Variants in CDH8 observed in about 807,000 individuals in gnomAD.
The protein encoded by CDH8 is cadherin-8.
CDH8 carries 17 observed loss-of-function variants against 68.1 expected under a neutral mutation model. The ratio of observed to expected loss-of-function variants is 0.25; its 90% confidence interval spans 0.17 to 0.37. CDH8 has a LOEUF of 0.37. CDH8 is among the 10% of genes least tolerant of loss of function. The pLI is 1.00. For synonymous variants in CDH8, 372 were observed against 365.1 expected (o/e 1.02, Z -0.21); for missense variants, 763 against 999.3 (o/e 0.76, Z 3.19).
intron 3 of CDH8, among the ~76,000 whole-genome samples, chr16:61,882,227 T>C (rs1963591879): frequency 6.6e-6 from 1 of 152,184 alleles, no homozygotes; most frequent in African/African-American, 2.4e-5. Flanking sequence ...TGTGTTTTAC[T>C]CGATGGATAT....
intron 8 of CDH8, among the ~76,000 whole-genome samples, chr16:61,740,448 A>C (rs895232504): frequency 6.6e-6 from 1 of 151,994 alleles, no homozygotes; most frequent in Non-Finnish European, 1.5e-5. Context: ...AAATGTTAAG[A>C]ATTTATTATA....
At chr16:61,911,046 C>T (rs1026476780) in intron 2 of CDH8, among the ~76,000 whole-genome samples, 5 of 151,844 alleles carry the variant, frequency 3.3e-5, no homozygotes, top group African/African-American at 1.2e-4. Context: ...AGAGGGTGGT[C>T]GATGTGCACT....
chr16:61,768,421 T>C (rs939835184), intron 8 of CDH8, among the ~76,000 whole-genome samples: 1 of 135,854 alleles, frequency 7.4e-6, no homozygotes, highest in Non-Finnish European at 1.6e-5. Context: ...TCTCTCTCTC[T>C]CTCTCTCCCT....
At chr16:61,950,632 T>C (rs974815773) in intron 2 of CDH8, among the ~76,000 whole-genome samples, 2 of 152,096 alleles carry the variant, frequency 1.3e-5, no homozygotes, top group Admixed American at 6.6e-5. Context: ...TTTCTTATTT[T>C]CCCCCCAAAA....
At chr16:61,959,449 T>C (rs938176223) in intron 2 of CDH8, among the ~76,000 whole-genome samples, 2 of 151,842 alleles carry the variant, frequency 1.3e-5, no homozygotes, top group Non-Finnish European at 2.9e-5. Context: ...CATCAAAGCA[T>C]AGGGCCCCTT....
intron 3 of CDH8, among the ~76,000 whole-genome samples, chr16:61,878,757 T>C (rs1963510684): frequency 6.6e-6 from 1 of 152,224 alleles, no homozygotes; most frequent in Non-Finnish European, 1.5e-5. Context: ...GCAGGCACAT[T>C]AGTTCTCTAA....
At chr16:61,797,218 CTATTT>C (rs567044283) in intron 7 of CDH8, among the ~76,000 whole-genome samples, 99 of 152,160 alleles carry the variant, frequency 6.5e-4, no homozygotes, top group African/African-American at 2.3e-3. Flanking sequence ...ATCTCCTACT[CTATTT>C]TGTTTTTTTG....
intron 2 of CDH8, among the ~76,000 whole-genome samples, chr16:61,992,081 A>T (rs369971913): frequency 3.2e-4 from 27 of 83,302 alleles, no homozygotes; most frequent in African/African-American, 7.5e-4. Context: ...TGTGTGTGAG[A>T]GAGAGAGAGA....
chr16:61,949,121 C>G (rs189710484), intron 2 of CDH8, among the ~76,000 whole-genome samples: 4 of 152,284 alleles, frequency 2.6e-5, no homozygotes, highest in Admixed American at 2.6e-4. Context: ...TTGAGAATCT[C>G]TGTTTCACAT....
At chr16:61,680,854 TG>T (rs1164082890) in intron 10 of CDH8, among the ~76,000 whole-genome samples, 1 of 151,960 alleles carries the variant, frequency 6.6e-6, no homozygotes, top group Non-Finnish European at 1.5e-5. Flanking sequence ...AATAAATATT[TG>T]TGGCTGAAAG....
At chr16:62,032,474 A>C (rs1159973584) in intron 1 of CDH8, among the ~76,000 whole-genome samples, 3 of 152,212 alleles carry the variant, frequency 2.0e-5, no homozygotes, top group African/African-American at 7.2e-5. Context: ...AAGCAAAGTT[A>C]GACCATTTCC....
At chr16:61,706,413 CG>C (rs1964532929) in intron 10 of CDH8, among the ~76,000 whole-genome samples, 1 of 151,784 alleles carries the variant, frequency 6.6e-6, no homozygotes, top group Admixed American at 6.6e-5. Flanking sequence ...GTCAGGAGAT[CG>C]AGACCATCCT....
intron 7 of CDH8, among the ~76,000 whole-genome samples, chr16:61,791,960 AC>A (rs1266841345): frequency 6.6e-6 from 1 of 151,974 alleles, no homozygotes; most frequent in Non-Finnish European, 1.5e-5. Context: ...AAGACTAAAA[AC>A]AAAGCTTAAA....
At chr16:61,713,466 G>A (rs1235325312) in intron 10 of CDH8, among the ~76,000 whole-genome samples, 1 of 151,616 alleles carries the variant, frequency 6.6e-6, no homozygotes, top group African/African-American at 2.4e-5. Flanking sequence ...CCCTAAAGAC[G>A]TGGTAAACAT....
chr16:62,003,850 A>G (rs1567564509), intron 2 of CDH8, among the ~76,000 whole-genome samples: 2 of 152,316 alleles, frequency 1.3e-5, no homozygotes, highest in East Asian at 3.9e-4. Flanking sequence ...TAAATATTGA[A>G]AAGTAAGTAC....
intron 2 of CDH8, among the ~76,000 whole-genome samples, chr16:61,997,010 T>G (rs1481363501): frequency 6.6e-6 from 1 of 152,124 alleles, no homozygotes; most frequent in Admixed American, 6.6e-5. Context: ...TATGTGTGTG[T>G]GTGTGTGTGT....
intron 10 of CDH8, among the ~76,000 whole-genome samples, chr16:61,697,203 G>A (rs1567427986): frequency 6.6e-6 from 1 of 152,056 alleles, no homozygotes; most frequent in Non-Finnish European, 1.5e-5. Flanking sequence ...TAAGACAAGG[G>A]AGCCCTCACT....
At chr16:61,705,476 A>G (rs948631984) in intron 10 of CDH8, among the ~76,000 whole-genome samples, 107 of 152,206 alleles carry the variant, frequency 7.0e-4, no homozygotes, top group Admixed American at 3.3e-4. Context: ...TCTACGGATC[A>G]CTGTGCATTT....
intron 8 of CDH8, among the ~76,000 whole-genome samples, chr16:61,737,586 A>G (rs1172284446): frequency 1.3e-5 from 2 of 152,186 alleles, no homozygotes; most frequent in Non-Finnish European, 1.5e-5. Context: ...CATTTTGCCC[A>G]TAAATGGCAT....
Sources: gnomAD v4.1 joint callset for allele counts (sites outside exome capture counted in the v4.1 genomes callset) on GRCh38, gnomAD v4.1.1 for gene constraint, MANE v1.5 for transcripts, NCBI Gene and HGNC (gene_info 2026-07-23, HGNC 2026-07-21) for gene names.